Variants in CFAP58 observed in about 807,000 individuals in gnomAD.
CFAP58 encodes the protein cilia- and flagella-associated protein 58.
Under a neutral mutation model 119.5 loss-of-function variants are expected in CFAP58, and 88 were observed. The ratio of observed to expected loss-of-function variants is 0.74; its 90% confidence interval spans 0.62 to 0.88. The LOEUF is 0.88. Ranked by LOEUF, CFAP58 falls within the 40% of genes least tolerant of loss-of-function variation. The probability of loss-of-function intolerance (pLI) is 0.00; values close to 1 mark genes in which losing one functional copy is unlikely to be tolerated. For missense variants in CFAP58, 990 were observed against 1,021.2 expected (o/e 0.97, Z 0.42); for synonymous variants, 365 against 366.3 (o/e 1.00, Z 0.04).
chr10:104,430,720 C>A (rs1344859117), intron 15 of CFAP58, among the ~76,000 whole-genome samples: 1 of 152,118 alleles, frequency 6.6e-6, no homozygotes, highest in Non-Finnish European at 1.5e-5. Flanking sequence ...TGCTCTATTT[C>A]AGTGCTGTCC....
At chr10:104,398,959 G>A (rs1365041042) in intron 11 of CFAP58, among the ~76,000 whole-genome samples, 1 of 152,124 alleles carries the variant, frequency 6.6e-6, no homozygotes, top group African/African-American at 2.4e-5. Flanking sequence ...CATTACAGGA[G>A]CTGGTACACA....
At chr10:104,430,784 A>G (rs1021019850) in intron 15 of CFAP58, among the ~76,000 whole-genome samples, 2 of 152,262 alleles carry the variant, frequency 1.3e-5, no homozygotes, top group Non-Finnish European at 2.9e-5. Context: ...AGTAGCCACA[A>G]TAAGAAAATG....
chr10:104,355,404 CT>C (rs1302423042), intron 1 of CFAP58, among the ~76,000 whole-genome samples: 2 of 152,340 alleles, frequency 1.3e-5, no homozygotes, highest in Admixed American at 1.3e-4. Flanking sequence ...AGCTGCTCCA[CT>C]ATTATGGATT....
At chr10:104,359,172 C>G (rs1203700807) in intron 2 of CFAP58, among the ~76,000 whole-genome samples, 2 of 152,014 alleles carry the variant, frequency 1.3e-5, no homozygotes, top group Non-Finnish European at 2.9e-5. Context: ...TTTTTTTCAT[C>G]CTTAAGTGTG....
chr10:104,404,776 AT>A (rs1453315682), intron 14 of CFAP58, among the ~76,000 whole-genome samples: 2 of 152,006 alleles, frequency 1.3e-5, no homozygotes, highest in Non-Finnish European at 2.9e-5. Flanking sequence ...TGCCCGGCTA[AT>A]TTTTTGTATT....
At chr10:104,353,784 C>T (rs568845513), upstream of CFAP58, 10 of 1,342,380 alleles carry the variant, frequency 7.4e-6, no homozygotes, top group East Asian at 1.2e-4. Flanking sequence ...CGGGTTTCCG[C>T]TCGGGGCGGG....
chr10:104,358,005 A>G lies in CFAP58; in HGVS notation c.10-336A>G, dbSNP rs192646358. ...TATGTACACATATATGTACACATAT[A>G]TACACATATATGTACATATATATAC... On this transcript the variant is annotated intron_variant, in intron 1 of 17. Transcript: ENST00000369704. 1.1e-3 allele frequency among the ~76,000 whole-genome samples: 142 copies of G among 134,462 alleles called. 6 individuals are homozygous for G. Among genetic ancestry groups the G allele is most frequent in the Middle Eastern group, 4.2e-3 (1 of 238 alleles). 88.2% of individuals were successfully genotyped at this position (134,462 alleles called of 152,430 possible). A position where few individuals can be genotyped will look rare whatever the true frequency, so the allele number is the denominator to read the frequency against.
At chr10:104,357,507 G>T (rs1027669141) in intron 1 of CFAP58, among the ~76,000 whole-genome samples, 5 of 152,098 alleles carry the variant, frequency 3.3e-5, no homozygotes, top group African/African-American at 4.8e-5. Flanking sequence ...GCTGCCCTTT[G>T]CAGTCTTAGG....
At chr10:104,445,970 T>C (rs926414345) in intron 15 of CFAP58, among the ~76,000 whole-genome samples, 1 of 152,210 alleles carries the variant, frequency 6.6e-6, no homozygotes, top group Non-Finnish European at 1.5e-5. Context: ...TCTCTGTCAT[T>C]GTGAGGTTCT....
At chr10:104,434,240 C>T (rs2133082658) in intron 15 of CFAP58, among the ~76,000 whole-genome samples, 1 of 152,278 alleles carries the variant, frequency 6.6e-6, no homozygotes, top group South Asian at 2.1e-4. Context: ...TTATGGGTAA[C>T]TGGATTCCTT....
At chr10:104,448,899 G>C (rs1589940138) in intron 16 of CFAP58, among the ~76,000 whole-genome samples, 1 of 152,214 alleles carries the variant, frequency 6.6e-6, no homozygotes, top group African/African-American at 2.4e-5. Context: ...GATTAGAAAA[G>C]CACAGAGCTG....
At position 104,403,773 on chromosome 10, in the gene CFAP58, C is replaced by T; in HGVS notation, c.2084C>T (p.Thr695Ile). 1 of 1,612,664 alleles carries T rather than the reference C, an allele frequency of 6.2e-7. No individual in the cohort carries two copies. Among genetic ancestry groups the T allele is most frequent in the Non-Finnish European group, 8.5e-7 (1 of 1,179,550 alleles). ...HMQRELLKER[T>I]RCRALEEELE... ...CAAAGAGAATTGTTGAAGGAGAGGA[C>T]ACGCTGCCGAGCCCTGGAGGAGGAG... is the stretch of plus-strand genomic sequence containing the variant. Residue 695 changes from threonine (T) to isoleucine (I), a missense_variant, in exon 14 of 18, where the codon ACA (threonine) becomes ATA (isoleucine). Thr to Ile is a moderately conservative substitution (Grantham distance 89). Transcript: ENST00000369704.
In CFAP58 at chr10:104,368,475, C is replaced by A; in HGVS notation, c.845C>A (p.Ala282Asp). ...KELEQFQMRNAKLQQENEQHS... is the reference protein window; with the variant it reads ...KELEQFQMRNDKLQQENEQHS... ...CTCGAGCAATTTCAGATGAGAAATG[C>A]TAAACTTCAGCAAGAGAATGAACAG... Residue 282 changes from alanine to aspartate, a missense_variant, in exon 6 of 18, where the codon GCT (alanine) becomes GAT (aspartate). Ala to Asp is a moderately radical substitution (Grantham distance 126, BLOSUM62 -2). Coordinates refer to ENST00000369704, the MANE Select transcript of CFAP58 (RefSeq NM_001008723.2). The A allele has an allele frequency of 6.2e-7, 1 of 1,613,906 alleles. No individual in the cohort carries two copies. Among genetic ancestry groups the A allele is most frequent in the Non-Finnish European group, 8.5e-7 (1 of 1,179,860 alleles).
At chr10:104,372,830 T>C (rs2014842330) in intron 7 of CFAP58, among the ~76,000 whole-genome samples, 1 of 152,244 alleles carries the variant, frequency 6.6e-6, no homozygotes, top group Non-Finnish European at 1.5e-5. Context: ...CTCTCTCTTT[T>C]GACTACTTTA....
At chr10:104,366,719 T>A (rs1443805719) in intron 5 of CFAP58, among the ~76,000 whole-genome samples, 1 of 152,212 alleles carries the variant, frequency 6.6e-6, no homozygotes, top group Admixed American at 6.5e-5. Context: ...TGATGCCATA[T>A]TAGCACAGAC....
chr10:104,409,445 G>T (rs1564895929), intron 15 of CFAP58, among the ~76,000 whole-genome samples: 2 of 152,144 alleles, frequency 1.3e-5, no homozygotes, highest in African/African-American at 4.8e-5. Flanking sequence ...CCTGCTGTTT[G>T]AAAAACATAC....
intron 11 of CFAP58, among the ~76,000 whole-genome samples, chr10:104,396,284 A>G (rs1322856258): frequency 6.6e-6 from 1 of 151,850 alleles, no homozygotes; most frequent in Non-Finnish European, 1.5e-5. Context: ...AGAGCTCAGC[A>G]CCACATTAGA....
chr10:104,438,357 T>G lies in CFAP58; in HGVS notation c.2257-9341T>G, dbSNP rs1279221058. Among the ~76,000 whole-genome samples the G allele has an allele frequency of 1.0e-2, 836 of 83,770 alleles. 26 individuals are homozygous for G. Among genetic ancestry groups the G allele is most frequent in the African/African-American group, 0.033 (772 of 23,536 alleles). 55.0% of individuals were successfully genotyped at this position (83,770 alleles called of 152,430 possible). A position where few individuals can be genotyped will look rare whatever the true frequency, so the allele number is the denominator to read the frequency against. ...TTGTTTTTTGTTTTTTGTTTTTTTT[T>G]TTTGTTTTTTTTTTTTGTTTTTTTT... On this transcript the variant is annotated intron_variant, in intron 15 of 17. Transcript: ENST00000369704.
chr10:104,454,566 A>C lies in CFAP58; in HGVS notation c.*36A>C. 1 of 1,467,758 alleles carries C rather than the reference A, an allele frequency of 6.8e-7. No individual in the cohort carries two copies. Among genetic ancestry groups the C allele is most frequent in the Non-Finnish European group, 9.6e-7 (1 of 1,047,102 alleles). The allele number at this position is 1,467,758 out of a possible 1,614,324, so 90.9% of individuals were successfully genotyped here. A position where few individuals can be genotyped will look rare whatever the true frequency, so the allele number is the denominator to read the frequency against. On this transcript the variant is annotated 3_prime_UTR_variant, in exon 18 of 18. Transcript: ENST00000369704. ...CTGGCTGTTTCCAGTTGAACAACTCATGAAATCTGCTCTGGGACATTTTGG... is the reference window on the plus strand; with the variant it reads ...CTGGCTGTTTCCAGTTGAACAACTCCTGAAATCTGCTCTGGGACATTTTGG...
Sources: gnomAD v4.1 joint callset for allele counts (sites outside exome capture counted in the v4.1 genomes callset) on GRCh38, gnomAD v4.1.1 for gene constraint, MANE v1.5 for transcripts, NCBI Gene and HGNC (gene_info 2026-07-23, HGNC 2026-07-21) for gene names.